Variants in LOC128462377 observed in about 807,000 individuals in gnomAD.
At chr16:89,330,504 G>C in the LOC128462377 span, among the ~76,000 whole-genome samples, 3 of 152,122 alleles carry the variant, frequency 2.0e-5, no homozygotes, top group Non-Finnish European at 2.9e-5. Context: ...GGCTACGTGA[G>C]GGTCCCCGTG....
At chr16:89,389,526 A>G in the LOC128462377 span, among the ~76,000 whole-genome samples, 4 of 152,214 alleles carry the variant, frequency 2.6e-5, no homozygotes, top group African/African-American at 9.6e-5. Context: ...TCAAAAACTA[A>G]AAACACGGAA....
the LOC128462377 span, among the ~76,000 whole-genome samples, chr16:89,344,301 T>C: frequency 6.6e-4 from 101 of 152,274 alleles, no homozygotes; most frequent in Non-Finnish European, 2.5e-4. Flanking sequence ...AGCTAACAGA[T>C]GGTATTATTT....
chr16:89,403,323 G>A, the LOC128462377 span, among the ~76,000 whole-genome samples: 1 of 152,076 alleles, frequency 6.6e-6, no homozygotes, highest in Non-Finnish European at 1.5e-5. Context: ...CTCCTGACCG[G>A]CCCCTCCTGA....
the LOC128462377 span, chr16:89,324,734 T>C: frequency 3.1e-6 from 1 of 326,018 alleles, no homozygotes; most frequent in Non-Finnish European, 6.0e-6. Flanking sequence ...CCTACACCAG[T>C]GGTTTGCCAG....
the LOC128462377 span, among the ~76,000 whole-genome samples, chr16:89,376,717 G>A: frequency 6.6e-6 from 1 of 152,202 alleles, no homozygotes; most frequent in Non-Finnish European, 1.5e-5. Flanking sequence ...GGGATTACAG[G>A]CGTGCGCCAC....
chr16:89,368,402 T>TTTTA, the LOC128462377 span, among the ~76,000 whole-genome samples: 1 of 94,764 alleles, frequency 1.1e-5, no homozygotes, highest in African/African-American at 4.0e-5. Flanking sequence ...TTTTTTTTTT[T>TTTTA]AGTAGAGATG....
At chr16:89,408,378 C>A in the LOC128462377 span, among the ~76,000 whole-genome samples, 1 of 152,244 alleles carries the variant, frequency 6.6e-6, no homozygotes, top group Admixed American at 6.5e-5. Context: ...ACAGAAAGGC[C>A]AGCATCAGCA....
the LOC128462377 span, among the ~76,000 whole-genome samples, chr16:89,345,691 GC>G: frequency 6.6e-6 from 1 of 152,176 alleles, no homozygotes; most frequent in Admixed American, 6.5e-5. Flanking sequence ...AATCCAGCTG[GC>G]TCAGCACGAG....
the LOC128462377 span, among the ~76,000 whole-genome samples, chr16:89,415,063 C>G: frequency 6.6e-6 from 1 of 151,798 alleles, no homozygotes; most frequent in Non-Finnish European, 1.5e-5. Flanking sequence ...TTCCTCCCCG[C>G]TCAGCCTCCC....
chr16:89,388,044 T>C, the LOC128462377 span, among the ~76,000 whole-genome samples: 1 of 151,508 alleles, frequency 6.6e-6, no homozygotes, highest in South Asian at 2.1e-4. Flanking sequence ...TGCTCATCTG[T>C]TAGGTTCCTT....
chr16:89,324,130 G>A, the LOC128462377 span: 11 of 826,882 alleles, frequency 1.3e-5, no homozygotes, highest in Admixed American at 4.2e-5. Flanking sequence ...ACGGCACAAC[G>A]CTCTCTACTG....
chr16:89,386,748 C>A, the LOC128462377 span, among the ~76,000 whole-genome samples: 5 of 152,178 alleles, frequency 3.3e-5, no homozygotes, highest in Non-Finnish European at 4.4e-5. Flanking sequence ...TGTTGGATTT[C>A]ATCAATCCAA....
At chr16:89,411,016 G>T in the LOC128462377 span, among the ~76,000 whole-genome samples, 1 of 152,202 alleles carries the variant, frequency 6.6e-6, no homozygotes, top group Non-Finnish European at 1.5e-5. Context: ...CAGAGAGAAG[G>T]GTGGCCAGGG....
At chr16:89,414,047 G>T in the LOC128462377 span, among the ~76,000 whole-genome samples, 2 of 150,904 alleles carry the variant, frequency 1.3e-5, no homozygotes, top group Non-Finnish European at 3.0e-5. Context: ...CTCCGCCACG[G>T]GCCTGCACAC....
the LOC128462377 span, among the ~76,000 whole-genome samples, chr16:89,336,795 G>A: frequency 6.6e-6 from 1 of 152,124 alleles, no homozygotes; most frequent in African/African-American, 2.4e-5. Context: ...CAATACAAGT[G>A]TAACATTTTA....
the LOC128462377 span, among the ~76,000 whole-genome samples, chr16:89,384,827 A>G: frequency 6.6e-6 from 1 of 150,892 alleles, no homozygotes; most frequent in South Asian, 2.1e-4. Flanking sequence ...GCAGGTGAGA[A>G]CATACGTGTG....
At chr16:89,366,197 T>G in the LOC128462377 span, among the ~76,000 whole-genome samples, 1 of 151,956 alleles carries the variant, frequency 6.6e-6, no homozygotes, top group Non-Finnish European at 1.5e-5. Context: ...TTCCACGGTG[T>G]ATATGCACCA....
At chr16:89,334,842 G>A in the LOC128462377 span, among the ~76,000 whole-genome samples, 3 of 152,148 alleles carry the variant, frequency 2.0e-5, no homozygotes, top group Non-Finnish European at 4.4e-5. Context: ...CGGGGCGCAC[G>A]TGTCCATAGA....
chr16:89,390,410 C>T, the LOC128462377 span, among the ~76,000 whole-genome samples: 3 of 152,036 alleles, frequency 2.0e-5, no homozygotes, highest in Non-Finnish European at 2.9e-5. Context: ...CCGAGTGTGG[C>T]GTGGGTGAGG....
Sources: gnomAD v4.1 joint callset for allele counts (sites outside exome capture counted in the v4.1 genomes callset) on GRCh38, gnomAD v4.1.1 for gene constraint, MANE v1.5 for transcripts.